The following TGFA variants were observed in gnomAD, a reference collection of about 807,000 sequenced individuals.
The protein encoded by TGFA is transforming growth factor alpha.
In TGFA, 12 loss-of-function variants were observed where a neutral mutation model predicts 21.7. The ratio of observed to expected loss-of-function variants is 0.55; its 90% CI spans 0.35 to 0.90. The LOEUF is 0.90. Among genes scored for constraint, TGFA ranks in the 40% least tolerant of loss-of-function variants. TGFA has a pLI of 0.01. For synonymous variants in TGFA, 79 were observed against 88.1 expected (o/e 0.90, Z 0.58); for missense variants, 178 against 210.8 (o/e 0.84, Z 0.96).
intron 1 of TGFA, among the ~76,000 whole-genome samples, chr2:70,535,617 G>C (rs1024737349): frequency 6.6e-6 from 1 of 152,184 alleles, no homozygotes; most frequent in Non-Finnish European, 1.5e-5. Context: ...TGATAGCATA[G>C]ATATTCCACA....
intron 2 of TGFA, among the ~76,000 whole-genome samples, chr2:70,507,303 G>A (rs1282720018): frequency 6.6e-6 from 1 of 152,236 alleles, no homozygotes; most frequent in Admixed American, 6.5e-5. Context: ...AAAGCACAAT[G>A]CAAATGAAAT....
intron 1 of TGFA, among the ~76,000 whole-genome samples, chr2:70,520,995 T>C (rs1553502152): frequency 6.6e-6 from 1 of 151,940 alleles, no homozygotes; most frequent in African/African-American, 2.4e-5. Context: ...GTCCATCCTA[T>C]CCATCCCCCT....
chr2:70,521,602 T>G (rs1191733292), intron 1 of TGFA, among the ~76,000 whole-genome samples: 1 of 140,866 alleles, frequency 7.1e-6, no homozygotes, highest in Non-Finnish European at 1.5e-5. Flanking sequence ...TAGTTTTTTT[T>G]GTTGTTGTTT....
chr2:70,548,301 G>A (rs1239799995), intron 1 of TGFA, among the ~76,000 whole-genome samples: 2 of 152,178 alleles, frequency 1.3e-5, no homozygotes, highest in Non-Finnish European at 2.9e-5. Context: ...ACACAGAGGT[G>A]AGGAGGAAGA....
intron 3 of TGFA, among the ~76,000 whole-genome samples, chr2:70,464,039 C>G (rs1670480000): frequency 6.6e-6 from 1 of 152,206 alleles, no homozygotes; most frequent in South Asian, 2.1e-4. Flanking sequence ...TTCTTTCTCT[C>G]CAGGTGAGGG....
rs1673563966 is a variant in TGFA, at chr2:70,553,067, G to A, written c.40+661C>T. ...TTCATTTCCAAGGACATACTCAAAG[G>A]AAACTGGCAACACTCGGTCTAGGGT... On this transcript the variant is annotated intron_variant, in intron 1 of 5. Coordinates refer to ENST00000295400, the MANE Select transcript of TGFA (RefSeq NM_003236.4). 1.5e-5 allele frequency: 16 copies of A among 1,099,332 alleles called. 1 individual carries two copies. The South Asian group carries it at 2.3e-4, about 16-fold the overall frequency. 68.1% of individuals were successfully genotyped at this position (1,099,332 alleles called of 1,614,324 possible).
intron 1 of TGFA, among the ~76,000 whole-genome samples, chr2:70,520,894 G>T (rs551838711): frequency 6.6e-6 from 1 of 151,996 alleles, no homozygotes; most frequent in African/African-American, 2.4e-5. Context: ...GGTTCTGGGC[G>T]GGACTGATAA....
At chr2:70,469,151 C>T (rs1328697118) in intron 2 of TGFA, among the ~76,000 whole-genome samples, 1 of 152,136 alleles carries the variant, frequency 6.6e-6, no homozygotes, top group Non-Finnish European at 1.5e-5. Flanking sequence ...CAGACAGCTT[C>T]ACATTCCCCT....
At chr2:70,497,131 G>A (rs924326989) in intron 2 of TGFA, among the ~76,000 whole-genome samples, 1 of 152,222 alleles carries the variant, frequency 6.6e-6, no homozygotes, top group Admixed American at 6.5e-5. Flanking sequence ...GGAGACCAGG[G>A]AACCGGAGCA....
intron 1 of TGFA, among the ~76,000 whole-genome samples, chr2:70,519,503 G>T (rs1672385326): frequency 6.6e-6 from 1 of 152,162 alleles, no homozygotes; most frequent in South Asian, 2.1e-4. Context: ...CTGGCTTCAG[G>T]GTAAGAACTG....
rs191628545 is a variant in TGFA, at chr2:70,513,134, G to A, written c.94+1725C>T. On this transcript the variant is annotated intron_variant, in intron 2 of 5. Coordinates refer to ENST00000295400, the MANE Select transcript of TGFA (RefSeq NM_003236.4). ...AGATGCGTGGAGATCATAGTGACAA[G>A]TATCAAAATGAGTGGTAACCCCCAA... 9.3e-4 allele frequency among the ~76,000 whole-genome samples: 141 copies of A among 152,312 alleles called. 1 individual carries two copies. The highest frequency in any genetic ancestry group is 3.4e-3 in the Middle Eastern group (1 of 294).
intron 3 of TGFA, among the ~76,000 whole-genome samples, chr2:70,462,259 G>A (rs1670425982): frequency 6.6e-6 from 1 of 152,214 alleles, no homozygotes; most frequent in South Asian, 2.1e-4. Context: ...ACATTCTTTT[G>A]GGTACTGTAA....
chr2:70,543,270 G>A (rs1412439300), intron 1 of TGFA, among the ~76,000 whole-genome samples: 3 of 151,564 alleles, frequency 2.0e-5, no homozygotes, highest in East Asian at 3.9e-4. Context: ...GCTCATGCCC[G>A]TAATCCCAGC....
chr2:70,476,720 G>T (rs921306616), intron 2 of TGFA, among the ~76,000 whole-genome samples: 2 of 152,162 alleles, frequency 1.3e-5, no homozygotes, highest in Admixed American at 1.3e-4. Flanking sequence ...GATGCCGTGT[G>T]GGTGGAAGAA....
intron 2 of TGFA, among the ~76,000 whole-genome samples, chr2:70,475,587 C>G (rs1167508477): frequency 6.6e-6 from 1 of 151,996 alleles, no homozygotes; most frequent in African/African-American, 2.4e-5. Context: ...TCCACACACT[C>G]AAGATGACTC....
Position 70,453,251 on chromosome 2 carries a change from T to G in TGFA, c.442A>C (p.Lys148Gln). The change falls in exon 5 of 6, where the codon AAG becomes CAG. Residue 148 changes from lysine (K) to glutamine (Q), a missense_variant. Transcript: ENST00000295400. The part of the protein sequence containing the change: ...CRHEKPSALL[K>Q]GRTACCHSET... ...GAGTGGCAGCAAGCGGTTCTTCCCT[T>G]CAGGAGGGCGCTGGGCTTCTCGTGC... is the stretch of plus-strand genomic sequence containing the variant. The G allele has an allele frequency of 6.2e-7, 1 of 1,613,936 alleles. No homozygotes were observed.
intron 2 of TGFA, among the ~76,000 whole-genome samples, chr2:70,504,022 T>G (rs569185543): frequency 3.2e-4 from 49 of 152,298 alleles, no homozygotes; most frequent in African/African-American, 1.1e-3. Flanking sequence ...CATCTATTTG[T>G]GACCAGGTTT....
intron 1 of TGFA, among the ~76,000 whole-genome samples, chr2:70,547,630 C>A (rs552013623): frequency 6.9e-4 from 103 of 148,750 alleles, no homozygotes; most frequent in Admixed American, 7.4e-4. Flanking sequence ...CAGTGTGAAC[C>A]CACTGGAATT....
At chr2:70,458,245 A>G (rs1248069746) in intron 3 of TGFA, among the ~76,000 whole-genome samples, 2 of 152,174 alleles carry the variant, frequency 1.3e-5, no homozygotes, top group African/African-American at 4.8e-5. Context: ...CTGAGAGGTG[A>G]TAAGCAACAG....
Sources: gnomAD v4.1 joint callset for allele counts (sites outside exome capture counted in the v4.1 genomes callset) on GRCh38, gnomAD v4.1.1 for gene constraint, MANE v1.5 for transcripts, NCBI Gene and HGNC (gene_info 2026-07-23, HGNC 2026-07-21) for gene names.